Variants in MACROD2 observed in about 807,000 individuals in gnomAD.
MACROD2 encodes the protein ADP-ribose glycohydrolase MACROD2.
A neutral mutation model predicts 70.4 loss-of-function variants in MACROD2; 36 were observed. That is an observed-to-expected ratio of 0.51 (90% CI 0.39 to 0.68). MACROD2 has a LOEUF of 0.68. Ranked by LOEUF, MACROD2 falls within the 30% of genes least tolerant of loss-of-function variation. The pLI is 0.00. For synonymous variants in MACROD2, 172 were observed against 178.8 expected (o/e 0.96, Z 0.30); for missense variants, 496 against 538.4 (o/e 0.92, Z 0.78).
chr20:14,222,813 G>GGAAAAAAAAAAAAAAAAAAAAAAAAAA (rs1555938552), intron 3 of MACROD2, among the ~76,000 whole-genome samples: 1 of 132,918 alleles, frequency 7.5e-6, no homozygotes. Flanking sequence ...TTGGATTTCT[G>GGAAAAAAAAAAAAAAAAAAAAAAAAAA]AAAAAAAAAA....
intron 5 of MACROD2, among the ~76,000 whole-genome samples, chr20:14,836,962 T>C (rs1031846876): frequency 3.3e-5 from 5 of 152,040 alleles, no homozygotes; most frequent in African/African-American, 1.2e-4. Flanking sequence ...CCTGTGCTTA[T>C]AGAGTTCATA....
At chr20:14,096,388 A>G (rs1451504025) in intron 3 of MACROD2, among the ~76,000 whole-genome samples, 1 of 125,704 alleles carries the variant, frequency 8.0e-6, no homozygotes, top group Non-Finnish European at 1.6e-5. Flanking sequence ...TTTTTTTGAG[A>G]CAGAGTCTTG....
intron 3 of MACROD2, among the ~76,000 whole-genome samples, chr20:14,200,766 G>C (rs1266738697): frequency 5.3e-5 from 8 of 152,094 alleles, no homozygotes; most frequent in Admixed American, 5.2e-4. Flanking sequence ...TTGCTAATGT[G>C]ACAGCTAAAC....
intron 12 of MACROD2, among the ~76,000 whole-genome samples, chr20:15,960,924 T>G (rs1018961286): frequency 6.6e-6 from 1 of 152,084 alleles, no homozygotes; most frequent in South Asian, 2.1e-4. Context: ...AGATCTAGCC[T>G]CTCTAGATGT....
chr20:14,060,074 C>T (rs915444594), intron 2 of MACROD2, among the ~76,000 whole-genome samples: 1 of 152,178 alleles, frequency 6.6e-6, no homozygotes, highest in African/African-American at 2.4e-5. Flanking sequence ...TGGTGGAAAA[C>T]TATAGGTTAT....
chr20:15,465,150 C>A (rs1356618008), intron 7 of MACROD2, among the ~76,000 whole-genome samples: 1 of 152,074 alleles, frequency 6.6e-6, no homozygotes, highest in Non-Finnish European at 1.5e-5. Flanking sequence ...ATGAGATTTG[C>A]CACATTTATA....
intron 3 of MACROD2, among the ~76,000 whole-genome samples, chr20:14,347,917 G>T (rs990569959): frequency 7.9e-5 from 12 of 152,088 alleles, no homozygotes; most frequent in African/African-American, 2.4e-4. Flanking sequence ...GCCTAACATT[G>T]CCATGTCAGT....
At chr20:15,373,445 C>T (rs549815641) in intron 6 of MACROD2, among the ~76,000 whole-genome samples, 5 of 152,252 alleles carry the variant, frequency 3.3e-5, no homozygotes, top group African/African-American at 9.6e-5. Context: ...TGTTCTCTCA[C>T]CCAGGCTGAA....
chr20:15,738,188 A>G (rs200382146), intron 8 of MACROD2, among the ~76,000 whole-genome samples: 1 of 152,224 alleles, frequency 6.6e-6, no homozygotes, highest in East Asian at 1.9e-4. Context: ...TAACTGAAAC[A>G]GTATAATTGG....
chr20:14,037,663 C>A (rs1028990952), intron 2 of MACROD2, among the ~76,000 whole-genome samples: 1 of 151,930 alleles, frequency 6.6e-6, no homozygotes. Context: ...TAGTTAGTAA[C>A]CATGGAGCTA....
chr20:14,990,644 G>A (rs2074894586), intron 5 of MACROD2, among the ~76,000 whole-genome samples: 1 of 151,408 alleles, frequency 6.6e-6, no homozygotes, highest in Non-Finnish European at 1.5e-5. Context: ...CTCCCAAGTA[G>A]CAGGGACTAC....
At chr20:14,949,059 A>G (rs758733172) in intron 5 of MACROD2, among the ~76,000 whole-genome samples, 2 of 152,196 alleles carry the variant, frequency 1.3e-5, no homozygotes, top group Non-Finnish European at 2.9e-5. Flanking sequence ...TTTGGAAAAT[A>G]TGTACACTTT....
chr20:14,017,652 A>C (rs2053013118), intron 2 of MACROD2, among the ~76,000 whole-genome samples: 2 of 152,128 alleles, frequency 1.3e-5, no homozygotes, highest in Admixed American at 1.3e-4. Context: ...TCTGGGAGTA[A>C]ATCACACTTG....
intron 6 of MACROD2, among the ~76,000 whole-genome samples, chr20:15,378,169 AG>A (rs1360751570): frequency 4.2e-5 from 5 of 118,774 alleles, no homozygotes; most frequent in African/African-American, 2.4e-4. Flanking sequence ...AGAGAGAGAG[AG>A]AGAAAGGAAC....
chr20:14,623,834 TG>T (rs1983975705), intron 4 of MACROD2, among the ~76,000 whole-genome samples: 2 of 152,314 alleles, frequency 1.3e-5, no homozygotes, highest in Middle Eastern at 3.4e-3. Context: ...TTCTAGTGAA[TG>T]ACAGAGGGCT....
At chr20:14,180,984 A>G (rs965872348) in intron 3 of MACROD2, among the ~76,000 whole-genome samples, 2 of 152,064 alleles carry the variant, frequency 1.3e-5, no homozygotes, top group African/African-American at 2.4e-5. Context: ...GAAAATTTAT[A>G]CAGAAAGATT....
At chr20:14,942,026 T>C (rs2074394822) in intron 5 of MACROD2, among the ~76,000 whole-genome samples, 2 of 151,768 alleles carry the variant, frequency 1.3e-5, no homozygotes, top group African/African-American at 4.8e-5. Context: ...CTCAAACACC[T>C]GAACTCAAGC....
chr20:15,656,129 GA>G, intron 8 of MACROD2, among the ~76,000 whole-genome samples: 1 of 152,204 alleles, frequency 6.6e-6, no homozygotes. Flanking sequence ...TCTGGGGGCC[GA>G]ATAAAAAGTC....
intron 8 of MACROD2, among the ~76,000 whole-genome samples, chr20:15,810,793 A>G (rs547906007): frequency 5.9e-5 from 9 of 152,216 alleles, no homozygotes; most frequent in Admixed American, 2.0e-4. Flanking sequence ...CATATCTACA[A>G]CTATCTGATC....
Sources: allele counts gnomAD v4.1 joint callset (sites outside exome capture counted in the v4.1 genomes callset), GRCh38; gene constraint gnomAD v4.1.1; transcripts MANE v1.5; gene names NCBI Gene and HGNC (gene_info 2026-07-23, HGNC 2026-07-21).